The following ASAH2 variants were observed in gnomAD, a reference collection of about 807,000 sequenced individuals.
ASAH2 encodes N-acylsphingosine amidohydrolase 2.
A neutral mutation model predicts 82.9 loss-of-function variants in ASAH2; 58 were observed. The ratio of observed to expected loss-of-function variants is 0.70; its 90% CI spans 0.57 to 0.87. ASAH2 has a LOEUF of 0.87. Among genes scored for constraint, ASAH2 ranks in the 40% least tolerant of loss-of-function variants. The pLI is 0.00. For synonymous variants in ASAH2, 276 were observed against 289.7 expected, an observed-to-expected ratio of 0.95 and a Z score of 0.48; for missense variants, 779 against 834.0, an observed-to-expected ratio of 0.93 and a Z score of 0.81.
intron 12 of ASAH2, 49 bp from the exon 13 acceptor site, chr10:50,206,146 A>G (rs1355743026): frequency 1.6e-6 from 2 of 1,281,916 alleles, no homozygotes; most frequent in African/African-American, 2.9e-5. Flanking sequence ...AACCCTCTCA[A>G]AAAAGTCATT....
Position 50,211,687 on chromosome 10 carries a change from A to G in ASAH2, c.1228-553T>C, listed in dbSNP as rs1311872982. The stretch of plus-strand genomic sequence containing the variant: ...ATGCTTTTTCAATCTTATGGGAAAC[A>G]TGAGTGAAAACAAGTTTAAAAAACT... On this transcript the variant is annotated intron_variant, in intron 10 of 20. Coordinates refer to ENST00000682911, the MANE Select transcript of ASAH2 (RefSeq NM_019893.4). Among the ~76,000 whole-genome samples the G allele has an allele frequency of 3.2e-4, 48 of 152,200 alleles. 2 individuals carry two copies. The highest frequency in any genetic ancestry group is 3.1e-3 in the Admixed American group (48 of 15,270).
intron 7 of ASAH2, among the ~76,000 whole-genome samples, chr10:50,220,888 CAG>C (rs1189263280): frequency 1.3e-3 from 172 of 133,278 alleles, no homozygotes; most frequent in African/African-American, 4.8e-3. Context: ...AACAGAATGA[CAG>C]AGTCTTGCTA....
At chr10:50,208,296 C>T (rs1845358545) in intron 12 of ASAH2, among the ~76,000 whole-genome samples, 1 of 151,800 alleles carries the variant, frequency 6.6e-6, no homozygotes. Flanking sequence ...TCTGAAGGTT[C>T]TAGGCAGGCA....
chr10:50,248,371 T>A, intron 2 of ASAH2, 113 bp downstream of exon 2: 1 of 1,330,338 alleles, frequency 7.5e-7, no homozygotes, highest in Non-Finnish European at 1.0e-6. Flanking sequence ...TCCAGGCTGC[T>A]TAAGTACACG....
intron 8 of ASAH2, among the ~76,000 whole-genome samples, chr10:50,217,417 C>T (rs893306627): frequency 9.9e-5 from 15 of 151,838 alleles, no homozygotes; most frequent in South Asian, 2.1e-4. Flanking sequence ...TTAGCAGTGA[C>T]GGGGTTTCAC....
intron 7 of ASAH2, 21 bp downstream of exon 7, chr10:50,233,163 T>A: frequency 6.4e-7 from 1 of 1,560,428 alleles, no homozygotes; most frequent in South Asian, 1.1e-5. Context: ...CAGAATTATT[T>A]TTAAAAAGGA....
intron 3 of ASAH2, among the ~76,000 whole-genome samples, chr10:50,244,049 A>G (rs192006426): frequency 6.6e-4 from 101 of 152,298 alleles, no homozygotes; most frequent in African/African-American, 2.3e-3. Flanking sequence ...ATATGTTGCA[A>G]GGGCTCAACA....
At chr10:50,227,142 A>G (rs2133219707) in intron 7 of ASAH2, among the ~76,000 whole-genome samples, 1 of 152,222 alleles carries the variant, frequency 6.6e-6, no homozygotes, top group East Asian at 1.9e-4. Flanking sequence ...AGAGTACAAA[A>G]GAAATAACTA....
intron 7 of ASAH2, among the ~76,000 whole-genome samples, chr10:50,225,572 G>A (rs1427040640): frequency 2.0e-5 from 3 of 152,130 alleles, no homozygotes; most frequent in Non-Finnish European, 4.4e-5. Flanking sequence ...ACTTTTTTAA[G>A]CCTGTTACTT....
chr10:50,199,769 C>G (rs1211393549), intron 16 of ASAH2, among the ~76,000 whole-genome samples: 1 of 151,278 alleles, frequency 6.6e-6, no homozygotes, highest in Non-Finnish European at 1.5e-5. Context: ...ACCTTAGACT[C>G]CTCTCTCCCT....
chr10:50,246,067 TA>T (rs1846448421), intron 2 of ASAH2, among the ~76,000 whole-genome samples: 7 of 152,228 alleles, frequency 4.6e-5, no homozygotes, highest in Admixed American at 4.6e-4. Flanking sequence ...TTCATATCTT[TA>T]TGTGTATGTA....
At chr10:50,218,722 GA>G in intron 7 of ASAH2, 92 bp from the exon 8 acceptor site, 2 of 1,458,240 alleles carry the variant, frequency 1.4e-6, no homozygotes, top group Non-Finnish European at 1.9e-6. Flanking sequence ...TCTCCAGCAG[GA>G]AAAAATATTT....
chr10:50,212,306 A>C (rs1422663621), intron 10 of ASAH2, among the ~76,000 whole-genome samples: 1 of 152,120 alleles, frequency 6.6e-6, no homozygotes, highest in Admixed American at 6.6e-5. Flanking sequence ...TTTTGCCTAG[A>C]AATATGTCTC....
In ASAH2 at chr10:50,250,824, A is replaced by G. The variant is rs185222065; in HGVS notation, c.-37+571T>C. Among the ~76,000 whole-genome samples, 202 of 152,324 alleles carry G rather than the reference A, an allele frequency of 1.3e-3. 2 individuals carry two copies. The highest frequency in any genetic ancestry group is 4.6e-3 in the African/African-American group (190 of 41,578). On this transcript the variant is annotated intron_variant, in intron 1 of 20. Coordinates refer to ENST00000682911, the MANE Select transcript of ASAH2 (RefSeq NM_019893.4). ...CTGATGATATTTTATGCCACTCAAC[A>G]ATGGCACTTGATTTAACATTAGTGT...
chr10:50,249,799 A>T (rs1203111763), intron 1 of ASAH2, among the ~76,000 whole-genome samples: 1 of 152,180 alleles, frequency 6.6e-6, no homozygotes, highest in Non-Finnish European at 1.5e-5. Context: ...TTAAAGGATG[A>T]TTGGAATCAC....
intron 6 of ASAH2, 79 bp from the exon 7 acceptor site, chr10:50,233,340 C>A: frequency 2.9e-6 from 3 of 1,045,192 alleles, no homozygotes; most frequent in Non-Finnish European, 4.5e-6. Context: ...TAGCAGCTGA[C>A]ACAAAAACAA....
chr10:50,210,453 T>C (rs1417057620), intron 12 of ASAH2, among the ~76,000 whole-genome samples: 22 of 152,110 alleles, frequency 1.4e-4, no homozygotes, highest in African/African-American at 4.8e-4. Context: ...TAAGCTGAGA[T>C]GGTGCCACTG....
intron 7 of ASAH2, among the ~76,000 whole-genome samples, chr10:50,229,910 A>G (rs1845982531): frequency 6.6e-6 from 1 of 152,150 alleles, no homozygotes; most frequent in East Asian, 1.9e-4. Context: ...TTTTACATGT[A>G]TTGTATGCCT....
Position 50,235,999 on chromosome 10 carries a change from G to A in ASAH2, c.576C>T (p.Gly192=), listed in dbSNP as rs966675220. ...CTGCAGGACCTGAATGAGTGTGAGT[G>A]CCACTCAGGATGACATTATCTCTTC... ...LYRRDNVILS[G]THTHSGPAGY... Residue 192 remains glycine (G), a synonymous_variant, in exon 5 of 21, where the codon GGC becomes GGT. Coordinates refer to ENST00000682911, the MANE Select transcript of ASAH2 (RefSeq NM_019893.4). 5.5e-5 allele frequency: 88 copies of A among 1,612,720 alleles called. No individual in the cohort carries two copies. In the African/African-American group the frequency reaches 1.0e-3, roughly 19 times the overall value.
Sources: allele counts gnomAD v4.1 joint callset (sites outside exome capture counted in the v4.1 genomes callset), GRCh38; gene constraint gnomAD v4.1.1; transcripts MANE v1.5; gene names NCBI Gene and HGNC (gene_info 2026-07-23, HGNC 2026-07-21).